The following AMPH variants were observed in gnomAD, a reference collection of about 807,000 sequenced individuals.
AMPH encodes amphiphysin.
AMPH carries 49 observed loss-of-function variants against 99.1 expected under a neutral mutation model. The observed-to-expected ratio is 0.49, with a 90% confidence interval of 0.39 to 0.63. The LOEUF (loss-of-function observed/expected upper bound fraction) is 0.63. Ranked by LOEUF, AMPH falls within the 20% of genes least tolerant of loss-of-function variation. The pLI, the probability that AMPH is intolerant of heterozygous loss-of-function variation, is 0.00. For missense variants in AMPH, 759 were observed against 863.4 expected, an observed-to-expected ratio of 0.88 and a Z score of 1.52; for synonymous variants, 314 against 317.3, an observed-to-expected ratio of 0.99 and a Z score of 0.11.
chr7:38,431,499 T>C (rs994131553), intron 13 of AMPH, among the ~76,000 whole-genome samples: 1 of 151,838 alleles, frequency 6.6e-6, no homozygotes, highest in African/African-American at 2.4e-5. Flanking sequence ...CTACTAAAAA[T>C]ACAAAAATTA....
intron 1 of AMPH, among the ~76,000 whole-genome samples, chr7:38,614,198 T>C (rs1288780642): frequency 6.6e-6 from 1 of 152,178 alleles, no homozygotes. Context: ...CATATATGGG[T>C]AGTTATATCC....
intron 1 of AMPH, among the ~76,000 whole-genome samples, chr7:38,586,415 T>C (rs1355969102): frequency 1.3e-5 from 2 of 152,210 alleles, no homozygotes; most frequent in Non-Finnish European, 2.9e-5. Flanking sequence ...TTCTACCTTG[T>C]GGTACCAATC....
At chr7:38,502,709 T>C (rs774200652) in intron 3 of AMPH, among the ~76,000 whole-genome samples, 1 of 152,188 alleles carries the variant, frequency 6.6e-6, no homozygotes, top group African/African-American at 2.4e-5. Flanking sequence ...GCCCACTCTG[T>C]ATGTAAGTTT....
chr7:38,450,641 G>A (rs7778313), intron 11 of AMPH, among the ~76,000 whole-genome samples: 3,957 of 152,308 alleles, frequency 0.026, 76 homozygotes, highest in Admixed American at 0.054. Context: ...GATGGGGCCT[G>A]TTTCCAGGAG....
intron 1 of AMPH, among the ~76,000 whole-genome samples, chr7:38,578,286 T>C (rs1792318957): frequency 1.3e-5 from 2 of 152,208 alleles, no homozygotes; most frequent in African/African-American, 4.8e-5. Context: ...TGCTAAAACC[T>C]ACTGCAAATA....
At chr7:38,602,187 C>T (rs1313982338) in intron 1 of AMPH, among the ~76,000 whole-genome samples, 3 of 152,182 alleles carry the variant, frequency 2.0e-5, no homozygotes, top group Admixed American at 6.5e-5. Context: ...GATGAGACAC[C>T]TTGTCCCAAG....
intron 17 of AMPH, among the ~76,000 whole-genome samples, chr7:38,406,964 T>C (rs1465001365): frequency 6.9e-6 from 1 of 144,634 alleles, no homozygotes; most frequent in Non-Finnish European, 1.5e-5. Context: ...AGCTTGCAGA[T>C]GGCCAATCGT....
At chr7:38,428,850 T>C in intron 14 of AMPH, 1 of 546,314 alleles carries the variant, frequency 1.8e-6, no homozygotes, top group Non-Finnish European at 3.2e-6. Context: ...TTTCTCAAAA[T>C]AATTTTCATT....
rs147683061 is a variant in AMPH at position 38,430,571 on chromosome 7, A to G, written c.1159-706T>C. Among the ~76,000 whole-genome samples, 93 of 152,340 alleles carry G rather than the reference A, an allele frequency of 6.1e-4. 2 individuals carry two copies. In the East Asian group the frequency reaches 0.017, roughly 27 times the overall value. ...ACCTTCACCCTCTCCATACCCTCCC[A>G]GCGAGGGAAGGAAAATGTGTTACAG... On this transcript the variant is annotated intron_variant, in intron 13 of 20. Transcript: ENST00000356264.
chr7:38,614,316 A>G (rs1793795152), intron 1 of AMPH, among the ~76,000 whole-genome samples: 1 of 152,240 alleles, frequency 6.6e-6, no homozygotes, highest in Admixed American at 6.5e-5. Context: ...TTGGCAAACA[A>G]TCCTGCAGTT....
At chr7:38,504,146 G>C (rs940156767) in intron 2 of AMPH, among the ~76,000 whole-genome samples, 2 of 152,116 alleles carry the variant, frequency 1.3e-5, no homozygotes, top group Non-Finnish European at 2.9e-5. Context: ...TAGAGACTGA[G>C]TACCAGAAAA....
At chr7:38,524,355 C>T (rs925437819) in intron 2 of AMPH, among the ~76,000 whole-genome samples, 1 of 152,208 alleles carries the variant, frequency 6.6e-6, no homozygotes, top group African/African-American at 2.4e-5. Context: ...GGATTGGATA[C>T]AGGCCCTTTA....
intron 1 of AMPH, among the ~76,000 whole-genome samples, chr7:38,607,911 C>T (rs751514774): frequency 3.9e-5 from 6 of 152,182 alleles, no homozygotes; most frequent in Non-Finnish European, 8.8e-5. Flanking sequence ...TAGCTTCCCC[C>T]TTGGAGAAAA....
chr7:38,622,454 T>TACATAC (rs1794104165), intron 1 of AMPH, among the ~76,000 whole-genome samples: 7 of 149,732 alleles, frequency 4.7e-5, no homozygotes, highest in Non-Finnish European at 1.5e-5. Flanking sequence ...TATGAATACA[T>TACATAC]ACACACACAC....
Position 38,435,945 on chromosome 7 carries a change from C to G in AMPH, c.1134+327G>C, listed in dbSNP as rs566808088. On this transcript the variant is annotated intron_variant, in intron 12 of 20. Transcript: ENST00000356264. ...GTAAACCCAAAACCAAAAGAAAGAG[C>G]TTCATCCAGGGAAACCATAAAATGT... Among the ~76,000 whole-genome samples the G allele has an allele frequency of 1.3e-3, 203 of 152,272 alleles. 2 individuals are homozygous for G. The highest frequency in any genetic ancestry group is 4.8e-3 in the African/African-American group (198 of 41,556).
chr7:38,600,720 T>C (rs572450767), intron 1 of AMPH, among the ~76,000 whole-genome samples: 173 of 152,350 alleles, frequency 1.1e-3, no homozygotes, highest in Non-Finnish European at 2.1e-3. Context: ...CCTACCTGGT[T>C]ACAGAGGTTA....
At chr7:38,564,644 C>T (rs1791664662) in intron 1 of AMPH, among the ~76,000 whole-genome samples, 2 of 152,132 alleles carry the variant, frequency 1.3e-5, no homozygotes, top group African/African-American at 4.8e-5. Context: ...CAGCTCACTC[C>T]TATTACCTAA....
intron 1 of AMPH, among the ~76,000 whole-genome samples, chr7:38,619,562 A>G (rs1368535728): frequency 6.6e-6 from 1 of 152,254 alleles, no homozygotes; most frequent in African/African-American, 2.4e-5. Flanking sequence ...TCTACCCAAC[A>G]ACAGCAAAAA....
intron 1 of AMPH, among the ~76,000 whole-genome samples, chr7:38,609,934 A>G (rs887216811): frequency 6.6e-6 from 1 of 151,986 alleles, no homozygotes; most frequent in African/African-American, 2.4e-5. Context: ...CACATAATAT[A>G]AAAGAAACTC....
Sources: allele counts gnomAD v4.1 joint callset (sites outside exome capture counted in the v4.1 genomes callset), GRCh38; gene constraint gnomAD v4.1.1; transcripts MANE v1.5; gene names NCBI Gene and HGNC (gene_info 2026-07-23, HGNC 2026-07-21).